TENM2: variants seen among roughly 807,000 people sequenced by gnomAD.
TENM2 encodes the protein teneurin transmembrane protein 2.
TENM2 carries 52 observed loss-of-function variants against 245.2 expected under a neutral mutation model. That is an observed-to-expected ratio of 0.21 (90% CI 0.17 to 0.27). The LOEUF is 0.27. TENM2 is among the 10% of genes least tolerant of loss of function. The pLI, the probability that TENM2 is intolerant of heterozygous loss-of-function variation, is 1.00. For synonymous variants in TENM2, 1,363 were observed against 1,438.9 expected, an observed-to-expected ratio of 0.95 and a Z score of 1.19; for missense variants, 3,046 against 3,666.8, an observed-to-expected ratio of 0.83 and a Z score of 4.37.
chr5:167,537,527 G>A (rs963073878), intron 2 of TENM2, among the ~76,000 whole-genome samples: 7 of 152,204 alleles, frequency 4.6e-5, no homozygotes, highest in African/African-American at 1.7e-4. Context: ...TAAAAGCAGA[G>A]AAACAAGAAC....
intron 1 of TENM2, among the ~76,000 whole-genome samples, chr5:167,337,817 A>G (rs1237272771): frequency 1.3e-5 from 2 of 152,242 alleles, no homozygotes; most frequent in Non-Finnish European, 2.9e-5. Context: ...TTGAGATTAT[A>G]AAAGGTTCAT....
intron 5 of TENM2, among the ~76,000 whole-genome samples, chr5:168,036,954 A>AC (rs1787766167): frequency 6.6e-6 from 1 of 151,944 alleles, no homozygotes; most frequent in East Asian, 1.9e-4. Flanking sequence ...GACCATACTG[A>AC]CATTAAGCAT....
intron 23 of TENM2, among the ~76,000 whole-genome samples, chr5:168,220,098 C>G (rs539806189): frequency 6.6e-6 from 1 of 152,192 alleles, no homozygotes; most frequent in Non-Finnish European, 1.5e-5. Context: ...CTTCAGGACA[C>G]TGTAGTTTTG....
At position 167,760,857 on chromosome 5, in the gene TENM2, G is replaced by A. The variant is rs188466290; in HGVS notation, c.503-115129G>A. 6.7e-3 allele frequency among the ~76,000 whole-genome samples: 1,020 copies of A among 152,270 alleles called. 18 individuals are homozygous for A. The highest frequency in any genetic ancestry group is 9.1e-3 in the Non-Finnish European group (616 of 68,030). ...TTAGTAGAGACGGGTCACCATGTTAGTCAGGCTGGTCTCGAACTCCTGACC... is the reference window on the plus strand; with the variant it reads ...TTAGTAGAGACGGGTCACCATGTTAATCAGGCTGGTCTCGAACTCCTGACC... On this transcript the variant is annotated intron_variant, in intron 2 of 28. Transcript: ENST00000518659.
the TENM2 span, among the ~76,000 whole-genome samples, chr5:167,235,733 C>T: frequency 1.3e-5 from 2 of 152,118 alleles, no homozygotes; most frequent in Non-Finnish European, 2.9e-5. Context: ...CCACCTTTTC[C>T]TCAAATGTTG....
intron 2 of TENM2, among the ~76,000 whole-genome samples, chr5:167,431,539 G>A (rs1764222010): frequency 6.6e-6 from 1 of 152,052 alleles, no homozygotes; most frequent in Non-Finnish European, 1.5e-5. Flanking sequence ...TAAGACAGTT[G>A]TTTTGCATTA....
At chr5:168,115,399 AGG>A (rs1562177074) in intron 9 of TENM2, among the ~76,000 whole-genome samples, 11 of 111,918 alleles carry the variant, frequency 9.8e-5, no homozygotes, top group African/African-American at 2.4e-4. Flanking sequence ...GAAGGAAGGA[AGG>A]AAGGAAGGGA....
intron 2 of TENM2, among the ~76,000 whole-genome samples, chr5:167,439,135 G>A (rs903917821): frequency 4.6e-5 from 7 of 152,298 alleles, no homozygotes; most frequent in Admixed American, 2.0e-4. Context: ...AGTTGGTATT[G>A]AGTTTTTCAA....
rs1470900098 is a variant in TENM2 at position 167,311,700 on chromosome 5, T to C, written c.226+26637T>C. On this transcript the variant is annotated intron_variant, in intron 1 of 28. Coordinates refer to ENST00000518659, the Ensembl canonical transcript of TENM2. ...ACATCTGTATTTAAAATTATGCTAATGGAGAGGTAATAAAAGAACGAGTAG... is the reference window on the plus strand; with the variant it reads ...ACATCTGTATTTAAAATTATGCTAACGGAGAGGTAATAAAAGAACGAGTAG... Among the ~76,000 whole-genome samples, 6 of 152,310 alleles carry C rather than the reference T, an allele frequency of 3.9e-5. No individual in the cohort carries two copies. The East Asian group carries it at 9.7e-4, about 25-fold the overall frequency.
At chr5:167,604,440 G>A (rs1353024330) in intron 2 of TENM2, among the ~76,000 whole-genome samples, 5 of 152,120 alleles carry the variant, frequency 3.3e-5, no homozygotes, top group African/African-American at 1.2e-4. Flanking sequence ...AGATTGATGT[G>A]GGTTTGGATC....
the TENM2 span, among the ~76,000 whole-genome samples, chr5:167,208,674 G>C: frequency 6.6e-6 from 1 of 152,188 alleles, no homozygotes. Flanking sequence ...ATTTTGCTTA[G>C]CCTTAATAAA....
At chr5:168,021,326 G>A (rs1469964877) in intron 5 of TENM2, among the ~76,000 whole-genome samples, 2 of 152,206 alleles carry the variant, frequency 1.3e-5, no homozygotes, top group Non-Finnish European at 1.5e-5. Context: ...TAACTAACCA[G>A]CAGCAGTATT....
chr5:168,256,717 G>A (rs1390261651), intron 27 of TENM2, among the ~76,000 whole-genome samples: 2 of 152,116 alleles, frequency 1.3e-5, no homozygotes, highest in Non-Finnish European at 2.9e-5. Context: ...GAGCCACCTC[G>A]CCCGGCCTCA....
chr5:167,116,675 T>A, the TENM2 span: 3 of 151,858 alleles, frequency 2.0e-5, no homozygotes, highest in African/African-American at 7.2e-5. Context: ...TAATGAGCAG[T>A]AGATACTTGT....
At chr5:167,837,800 C>T (rs1769137874) in intron 2 of TENM2, among the ~76,000 whole-genome samples, 1 of 140,546 alleles carries the variant, frequency 7.1e-6, no homozygotes, top group Admixed American at 8.1e-5. Context: ...TGAAAAAGGG[C>T]TTGGTTTTTT....
the TENM2 span, among the ~76,000 whole-genome samples, chr5:167,258,500 A>G: frequency 6.6e-6 from 1 of 151,976 alleles, no homozygotes; most frequent in East Asian, 1.9e-4. Context: ...CCCTCTCTGT[A>G]GATCTGTGCT....
chr5:168,215,294 TCTCCCGCCC>T, intron 21 of TENM2, 22 bp downstream of exon 23: 1 of 1,595,236 alleles, frequency 6.3e-7, no homozygotes, highest in Non-Finnish European at 8.6e-7. Context: ...CAAGGAAGAG[TCTCCCGCCC>T]CAGATAAAGC....
the TENM2 span, among the ~76,000 whole-genome samples, chr5:167,097,903 C>T: frequency 1.3e-5 from 2 of 152,162 alleles, no homozygotes; most frequent in Non-Finnish European, 2.9e-5. Context: ...CTGGGTGACT[C>T]CTTTTTTGCT....
intron 3 of TENM2, among the ~76,000 whole-genome samples, chr5:167,930,354 A>G (rs1242061989): frequency 3.3e-5 from 5 of 152,236 alleles, no homozygotes; most frequent in Admixed American, 3.3e-4. Flanking sequence ...GTGATAATAT[A>G]TGAAGAATCA....
Sources: allele counts gnomAD v4.1 joint callset (sites outside exome capture counted in the v4.1 genomes callset), GRCh38; gene constraint gnomAD v4.1.1; transcripts MANE v1.5; gene names NCBI Gene and HGNC (gene_info 2026-07-23, HGNC 2026-07-21).